The following DIS3 variants were observed in gnomAD, a reference collection of about 807,000 sequenced individuals.
DIS3 encodes the protein DIS3 exosome endoribonuclease and 3'-5' exoribonuclease.
DIS3 carries 103 observed loss-of-function variants against 113.0 expected under a neutral mutation model. That is an observed-to-expected ratio of 0.91 (90% CI 0.78 to 1.07). The LOEUF (loss-of-function observed/expected upper bound fraction) is 1.07. Among genes scored for constraint, DIS3 ranks in the 50% least tolerant of loss-of-function variants. The pLI is 0.00. For missense variants in DIS3, 1,121 were observed against 1,167.1 expected (o/e 0.96, Z 0.58); for synonymous variants, 402 against 394.3 (o/e 1.02, Z -0.23).
At chr13:72,781,566 C>T (rs375693915) in intron 1 of DIS3, 39 bp downstream of exon 1, 195 of 1,478,928 alleles carry the variant, frequency 1.3e-4, no homozygotes, top group African/African-American at 8.9e-4. Context: ...CCCTTGTCCC[C>T]GTGGGGCCGC....
rs937474302 is a variant in DIS3 at position 72,761,961 on chromosome 13, C to T, written c.2304G>A (p.Ala768=). 17 of 1,613,920 alleles carry T rather than the reference C, an allele frequency of 1.1e-5. No individual in the cohort carries two copies. Among genetic ancestry groups the T allele is most frequent in the East Asian group, 2.2e-5 (1 of 44,882 alleles). ...AAGTAAAATGTGTGTATATTGGAGA[C>T]GCTAAGCCATAGTGATGAAAATCAT... ...MDNDFHHYGL[A]SPIYTHFTSP... The change falls in exon 17 of 21, where the codon GCG becomes GCA. Residue 768 remains alanine (A), a synonymous_variant. Coordinates refer to ENST00000377767, the MANE Select transcript of DIS3 (RefSeq NM_014953.5).
chr13:72,760,463 C>T, intron 20 of DIS3, 66 bp downstream of exon 20: 1 of 1,593,734 alleles, frequency 6.3e-7, no homozygotes, highest in Non-Finnish European at 8.6e-7. Flanking sequence ...ATAACTACGT[C>T]CCTTCTTTGA....
intron 13 of DIS3, among the ~76,000 whole-genome samples, chr13:72,769,216 CTAAAA>C (rs954270616): frequency 1.3e-5 from 2 of 152,156 alleles, no homozygotes; most frequent in African/African-American, 2.4e-5. Context: ...CCAGATAATG[CTAAAA>C]TAAAACACAA....
chr13:72,773,122 T>C (rs2033925472), intron 8 of DIS3, among the ~76,000 whole-genome samples: 1 of 152,206 alleles, frequency 6.6e-6, no homozygotes, highest in Non-Finnish European at 1.5e-5. Flanking sequence ...TTGATTAGAA[T>C]CTATATAGAA....
chr13:72,777,543 A>G (rs780603786), intron 3 of DIS3, 50 bp from the exon 4 acceptor site: 2 of 1,494,684 alleles, frequency 1.3e-6, no homozygotes, highest in Non-Finnish European at 1.9e-6. Context: ...TTCCTTAGAT[A>G]TGAAAAAAAT....
At chr13:72,775,173 G>A in intron 6 of DIS3, 38 bp downstream of exon 6, 1 of 1,566,838 alleles carries the variant, frequency 6.4e-7, no homozygotes, top group African/African-American at 1.4e-5. Flanking sequence ...ATAATACAAA[G>A]CTACACAGAC....
rs1386280277 is a variant in DIS3, at chr13:72,761,635, A to C, written c.2511+11T>G. The stretch of plus-strand genomic sequence containing the variant: ...TCATTTTTTCTAGCAGTATCGACAA[A>C]AGGCAAATACCTGGGTATGAAAAGC... On this transcript the variant is annotated intron_variant, in intron 18 of 20. Coordinates refer to ENST00000377767, the MANE Select transcript of DIS3 (RefSeq NM_014953.5). 6.4e-7 allele frequency: 1 copy of C among 1,571,178 alleles called. No individual in the cohort carries two copies.
chr13:72,760,315 T>C (rs922388194), intron 20 of DIS3, among the ~76,000 whole-genome samples: 5 of 152,126 alleles, frequency 3.3e-5, no homozygotes, highest in African/African-American at 1.2e-4. Flanking sequence ...ACCTTTTTAT[T>C]TTAGCACCAA....
At chr13:72,768,721 G>T (rs1314328262) in intron 14 of DIS3, 64 bp downstream of exon 14, 9 of 1,244,270 alleles carry the variant, frequency 7.2e-6, no homozygotes, top group South Asian at 1.5e-5. Flanking sequence ...ATTCATCATT[G>T]CCTATGATCA....
In DIS3 at chr13:72,755,021, TGTATCTTTACTGTCCCTTCAGA is replaced by T; in HGVS notation, c.*4752_*4773del. 1 of 672,708 alleles carries T rather than the reference TGTATCTTTACTGTCCCTTCAGA, an allele frequency of 1.5e-6. No individual in the cohort carries two copies. 41.7% of individuals were successfully genotyped at this position (672,708 alleles called of 1,614,324 possible). A position where few individuals can be genotyped will look rare whatever the true frequency, so the allele number is the denominator to read the frequency against. On this transcript the variant is annotated 3_prime_UTR_variant, in exon 21 of 21. Transcript: ENST00000377767. The stretch of plus-strand genomic sequence containing the variant: ...TGCAGAATATTGATTTATAAAATAC[TGTATCTTTACTGTCCCTTCAGA>T]GTTCAGCTAAAGAAACGTGCTTTTA...
Position 72,754,055 on chromosome 13 carries a change from T to G in DIS3, c.*5740A>C, listed in dbSNP as rs1407410418. The stretch of plus-strand genomic sequence containing the variant: ...GCGTGTATTTGATGAGGGCATTTAC[T>G]GAACCTTCCAGGTGGTGGTTATATA... On this transcript the variant is annotated 3_prime_UTR_variant, in exon 21 of 21. Coordinates refer to ENST00000377767, the MANE Select transcript of DIS3 (RefSeq NM_014953.5). The G allele has an allele frequency of 5.1e-6, 2 of 394,996 alleles. No individual in the cohort carries two copies. The highest frequency in any genetic ancestry group is 9.3e-5 in the East Asian group (2 of 21,598). 24.5% of individuals were successfully genotyped at this position (394,996 alleles called of 1,614,324 possible).
chr13:72,771,792 T>C lies in DIS3; in HGVS notation c.1605+3A>G, dbSNP rs766892901. On this transcript the variant is annotated splice_donor_region_variant and intron_variant, in intron 11 of 20. Transcript: ENST00000377767. ...GTTAAATTTTTAAATTCAATACATTTACCTTTTCACAAAGATACACAGTTG... is the reference window on the plus strand; with the variant it reads ...GTTAAATTTTTAAATTCAATACATTCACCTTTTCACAAAGATACACAGTTG... 10 of 1,612,386 alleles carry C rather than the reference T, an allele frequency of 6.2e-6. No homozygotes were observed. The South Asian group carries it at 9.9e-5, about 16-fold the overall frequency.
rs1449978384 is a variant in DIS3, at chr13:72,754,394, T to G, written c.*5401A>C. On this transcript the variant is annotated 3_prime_UTR_variant, in exon 21 of 21. Transcript: ENST00000377767. ...TCGTAGAATCAGATCACTACAGCCT[T>G]TAACTGCTGGGCTCAAGCAATCCTC... 6.5e-6 allele frequency: 1 copy of G among 152,848 alleles called. No homozygotes were observed. Among genetic ancestry groups the G allele is most frequent in the African/African-American group, 2.4e-5 (1 of 41,288 alleles). The allele number at this position is 152,848 out of a possible 1,614,324, so 9.5% of individuals were successfully genotyped here. A position where few individuals can be genotyped will look rare whatever the true frequency, so the allele number is the denominator to read the frequency against.
At position 72,752,867 on chromosome 13, in the gene DIS3, G is replaced by A. The variant is rs1169600079; in HGVS notation, c.*6928C>T. On this transcript the variant is annotated 3_prime_UTR_variant, in exon 21 of 21. Coordinates refer to ENST00000377767, the MANE Select transcript of DIS3 (RefSeq NM_014953.5). ...TCCTTCCCTCTGATCCTAACTTGCA[G>A]GGAGGGCTTAAATGCAAAATGATTC... is the stretch of plus-strand genomic sequence containing the variant. The A allele has an allele frequency of 6.6e-6, 1 of 152,154 alleles. No individual in the cohort carries two copies. The highest frequency in any genetic ancestry group is 1.5e-5 in the Non-Finnish European group (1 of 68,034). 9.4% of individuals were successfully genotyped at this position (152,154 alleles called of 1,614,324 possible).
intron 20 of DIS3, 51 bp from the exon 21 acceptor site, chr13:72,759,929 A>C (rs939891937): frequency 7.0e-7 from 1 of 1,421,546 alleles, no homozygotes. Flanking sequence ...GATAGAATAC[A>C]TCTCAACCTC....
In DIS3 at chr13:72,753,878, T is replaced by C; in HGVS notation, c.*5917A>G. The C allele has an allele frequency of 2.0e-6, 3 of 1,478,136 alleles. No individual in the cohort carries two copies. Among genetic ancestry groups the C allele is most frequent in the South Asian group, 2.5e-5 (2 of 80,878 alleles). 91.6% of individuals were successfully genotyped at this position (1,478,136 alleles called of 1,614,324 possible). On this transcript the variant is annotated 3_prime_UTR_variant, in exon 21 of 21. Transcript: ENST00000377767. ...TGTTTAGATTAGAAATATAAAATAA[T>C]TTTGATTATTAGACAATAGTACTAT...
chr13:72,771,048 T>C (rs1213618318), intron 12 of DIS3, 33 bp downstream of exon 12: 1 of 1,610,892 alleles, frequency 6.2e-7, no homozygotes, highest in Non-Finnish European at 8.5e-7. Context: ...GTAAATACAA[T>C]GTCTTCAAGG....
intron 4 of DIS3, among the ~76,000 whole-genome samples, chr13:72,776,719 T>C (rs1473696265): frequency 6.6e-6 from 1 of 152,236 alleles, no homozygotes; most frequent in Non-Finnish European, 1.5e-5. Flanking sequence ...TATATTTATA[T>C]ATAAGAAAAT....
chr13:72,770,219 T>C (rs1482605048), intron 13 of DIS3, among the ~76,000 whole-genome samples: 1 of 151,926 alleles, frequency 6.6e-6, no homozygotes, highest in East Asian at 1.9e-4. Flanking sequence ...AGTTTCTGAA[T>C]ACAGGACAAC....
Sources: allele counts gnomAD v4.1 joint callset (sites outside exome capture counted in the v4.1 genomes callset), GRCh38; gene constraint gnomAD v4.1.1; transcripts MANE v1.5; gene names NCBI Gene and HGNC (gene_info 2026-07-23, HGNC 2026-07-21).